Variants in NEK7 observed in about 807,000 individuals in gnomAD.
NEK7 encodes the protein serine/threonine-protein kinase Nek7.
In NEK7, 18 loss-of-function variants were observed where a neutral mutation model predicts 44.6. The ratio of observed to expected loss-of-function variants is 0.40; its 90% CI spans 0.28 to 0.60. The LOEUF (loss-of-function observed/expected upper bound fraction) is 0.60, where lower values mean the gene tolerates loss of function less well. Among genes scored for constraint, NEK7 ranks in the 20% least tolerant of loss-of-function variants. The pLI is 0.38. For missense variants in NEK7, 256 were observed against 366.5 expected (o/e 0.70, Z 2.46); for synonymous variants, 130 against 121.1 (o/e 1.07, Z -0.48).
At chr1:198,289,845 G>T (rs970754484) in intron 7 of NEK7, among the ~76,000 whole-genome samples, 17 of 152,008 alleles carry the variant, frequency 1.1e-4, no homozygotes, top group Non-Finnish European at 2.4e-4. Context: ...TTTTATTCAG[G>T]ATAAAGATTA....
chr1:198,296,747 G>A (rs927063217), intron 8 of NEK7, among the ~76,000 whole-genome samples: 3 of 152,138 alleles, frequency 2.0e-5, no homozygotes, highest in Non-Finnish European at 4.4e-5. Context: ...TGTTTGTTCT[G>A]TATGGTTGAG....
At chr1:198,311,313 C>T (rs1378272248) in intron 9 of NEK7, among the ~76,000 whole-genome samples, 2 of 151,696 alleles carry the variant, frequency 1.3e-5, no homozygotes, top group East Asian at 1.9e-4. Flanking sequence ...TGCTAAGTTG[C>T]TTATCAGCTT....
At chr1:198,160,164 C>G (rs1420580546) in intron 1 of NEK7, among the ~76,000 whole-genome samples, 1 of 152,072 alleles carries the variant, frequency 6.6e-6, no homozygotes, top group Non-Finnish European at 1.5e-5. Context: ...TAAGAATGTA[C>G]CTCTGTAGTA....
intron 1 of NEK7, among the ~76,000 whole-genome samples, chr1:198,172,760 A>G (rs934209757): frequency 6.6e-6 from 1 of 152,230 alleles, no homozygotes. Context: ...GTCATCATAG[A>G]GCCTAGTGCT....
intron 1 of NEK7, among the ~76,000 whole-genome samples, chr1:198,213,087 G>T (rs1366689303): frequency 2.0e-5 from 3 of 152,172 alleles, no homozygotes; most frequent in Non-Finnish European, 4.4e-5. Context: ...GAGACTAGAG[G>T]ACAGGTCACA....
At chr1:198,159,338 G>GT (rs1452109226) in intron 1 of NEK7, among the ~76,000 whole-genome samples, 1 of 152,140 alleles carries the variant, frequency 6.6e-6, no homozygotes, top group African/African-American at 2.4e-5. Context: ...GGGGGCTTCA[G>GT]TTTTCCCTGA....
intron 3 of NEK7, chr1:198,256,293 A>C: frequency 6.5e-7 from 1 of 1,539,588 alleles, no homozygotes; most frequent in East Asian, 2.4e-5. Flanking sequence ...GGCTATTAAC[A>C]AAGGATGTGT....
At chr1:198,211,407 T>G (rs940308726) in intron 1 of NEK7, among the ~76,000 whole-genome samples, 3 of 152,234 alleles carry the variant, frequency 2.0e-5, no homozygotes, top group African/African-American at 7.2e-5. Flanking sequence ...TTCCATTGAT[T>G]ACACTCACAG....
At chr1:198,234,798 G>GT (rs1304732245) in intron 2 of NEK7, among the ~76,000 whole-genome samples, 1 of 152,170 alleles carries the variant, frequency 6.6e-6, no homozygotes, top group African/African-American at 2.4e-5. Flanking sequence ...GTCGTCCCAG[G>GT]TTCTAGCTGC....
chr1:198,253,845 G>T (rs1294781185), intron 3 of NEK7, among the ~76,000 whole-genome samples: 1 of 152,098 alleles, frequency 6.6e-6, no homozygotes, highest in Non-Finnish European at 1.5e-5. Context: ...ACTTGCCAGA[G>T]CCCTGAGTGT....
At chr1:198,262,544 T>A (rs1188081623) in intron 3 of NEK7, 31 bp from the exon 4 acceptor site, 14 of 1,391,990 alleles carry the variant, frequency 1.0e-5, no homozygotes, top group African/African-American at 1.4e-5. Context: ...AGGTTATTAT[T>A]TTATTAAGTA....
intron 1 of NEK7, among the ~76,000 whole-genome samples, chr1:198,199,240 C>T (rs1665342650): frequency 1.3e-5 from 2 of 152,230 alleles, no homozygotes; most frequent in South Asian, 4.1e-4. Flanking sequence ...TGCAGCCAGT[C>T]CCCTGGGGGC....
At chr1:198,171,678 GAA>G (rs574229281) in intron 1 of NEK7, among the ~76,000 whole-genome samples, 1 of 141,492 alleles carries the variant, frequency 7.1e-6, no homozygotes, top group Non-Finnish European at 1.5e-5. Flanking sequence ...GACTCCGTCT[GAA>G]AAAAAAAAAA....
intron 1 of NEK7, among the ~76,000 whole-genome samples, chr1:198,162,875 G>A (rs922569159): frequency 6.6e-6 from 1 of 151,882 alleles, no homozygotes; most frequent in African/African-American, 2.4e-5. Context: ...AGGCTTGGGG[G>A]GTTATATTAT....
chr1:198,213,067 C>T (rs570294259), intron 1 of NEK7, among the ~76,000 whole-genome samples: 51 of 152,262 alleles, frequency 3.3e-4, no homozygotes, highest in African/African-American at 1.2e-3. Context: ...GGTGTGGTAC[C>T]CACTGCTGGG....
intron 7 of NEK7, among the ~76,000 whole-genome samples, chr1:198,286,952 T>C (rs1397100455): frequency 6.6e-6 from 1 of 152,144 alleles, no homozygotes; most frequent in East Asian, 1.9e-4. Flanking sequence ...CTCTTACTGA[T>C]AATCTAGGGT....
At chr1:198,179,763 T>C (rs1216637370) in intron 1 of NEK7, among the ~76,000 whole-genome samples, 1 of 152,130 alleles carries the variant, frequency 6.6e-6, no homozygotes, top group Non-Finnish European at 1.5e-5. Flanking sequence ...TTCTGCAGTC[T>C]TCCTGTTGCC....
chr1:198,309,738 C>A (rs76733087), intron 9 of NEK7, among the ~76,000 whole-genome samples: 22,680 of 151,952 alleles, frequency 0.15, 1,965 homozygotes, highest in East Asian at 0.43. Flanking sequence ...ATGATGATTT[C>A]CAATTTCATC....
intron 9 of NEK7, among the ~76,000 whole-genome samples, chr1:198,311,767 C>A (rs1003980837): frequency 6.6e-6 from 1 of 152,186 alleles, no homozygotes; most frequent in Non-Finnish European, 1.5e-5. Flanking sequence ...TTGAACCAGC[C>A]TTGCATCCCA....
Sources: gnomAD v4.1 joint callset for allele counts (sites outside exome capture counted in the v4.1 genomes callset) on GRCh38, gnomAD v4.1.1 for gene constraint, MANE v1.5 for transcripts, NCBI Gene and HGNC (gene_info 2026-07-23, HGNC 2026-07-21) for gene names.